The following TTLL6 variants were observed in gnomAD, a reference collection of about 807,000 sequenced individuals.
TTLL6 encodes tubulin tyrosine ligase like 6.
TTLL6 carries 75 observed loss-of-function variants against 96.4 expected under a neutral mutation model. The ratio of observed to expected loss-of-function variants is 0.78; its 90% confidence interval spans 0.65 to 0.94. The LOEUF (loss-of-function observed/expected upper bound fraction) is 0.94. Among genes scored for constraint, TTLL6 ranks in the 40% least tolerant of loss-of-function variants. The pLI is 0.00. For synonymous variants in TTLL6, 411 were observed against 419.4 expected, an observed-to-expected ratio of 0.98 and a Z score of 0.24; for missense variants, 1,030 against 1,093.0, an observed-to-expected ratio of 0.94 and a Z score of 0.81.
rs767914249 is a variant in TTLL6 at position 48,791,513 on chromosome 17, G to A, written c.1089C>T (p.Thr363=). The change falls in exon 9 of 16, where the codon ACC becomes ACT. Residue 363 remains threonine (T), a synonymous_variant. Transcript: ENST00000393382. ...TGATGATGGGGTGGGCCGAGATGAG[G>A]GTCTTGATGATGACGTCCTCAATAT... is the stretch of plus-strand genomic sequence containing the variant. ...WRDIEDVIIK[T]LISAHPIIRH... The A allele has an allele frequency of 6.2e-7, 1 of 1,613,454 alleles. No homozygotes were observed. Among genetic ancestry groups the A allele is most frequent in the Non-Finnish European group, 8.5e-7 (1 of 1,179,362 alleles).
rs960233922 is a variant in TTLL6 at position 48,784,964 on chromosome 17, C to G, written c.1999G>C (p.Ala667Pro). Residue 667 changes from alanine (A) to proline (P), a missense_variant, in exon 13 of 16, where the codon GCC becomes CCC. Physicochemically the swap from Ala to Pro is conservative, Grantham distance 27. Transcript: ENST00000393382. ...PSKPNFSIKE[A>P]KSASAVNVFT... is the part of the protein sequence containing the mutation. ...ACGTTCACTGCAGAGGCAGACTTGG[C>G]CTCCTTGATGCTGAAGTTGGGTTTA... 6.2e-7 allele frequency: 1 copy of G among 1,614,052 alleles called. No individual in the cohort carries two copies. The highest frequency in any genetic ancestry group is 8.5e-7 in the Non-Finnish European group (1 of 1,180,046).
chr17:48,811,993 G>C (rs951926532), intron 1 of TTLL6, among the ~76,000 whole-genome samples: 1 of 150,668 alleles, frequency 6.6e-6, no homozygotes, highest in Non-Finnish European at 1.5e-5. Context: ...GAGCCACCAC[G>C]CCCAGCCAGA....
At chr17:48,800,589 G>A (rs994045342) in intron 5 of TTLL6, among the ~76,000 whole-genome samples, 15 of 152,140 alleles carry the variant, frequency 9.9e-5, no homozygotes, top group Non-Finnish European at 1.9e-4. Context: ...TCTTGGTTTT[G>A]GAAAGCACTG....
chr17:48,776,158 C>G (rs1162490463), intron 13 of TTLL6, among the ~76,000 whole-genome samples: 3 of 152,120 alleles, frequency 2.0e-5, no homozygotes, highest in African/African-American at 7.2e-5. Context: ...AAAAAACTTA[C>G]TAGAATTCAT....
chr17:48,769,143 GTAACAT>G lies in TTLL6; in HGVS notation c.2516_2521del (p.Asn839_Val840del). The G allele has an allele frequency of 6.2e-7, 1 of 1,614,146 alleles. No individual in the cohort carries two copies. Among genetic ancestry groups the G allele is most frequent in the Non-Finnish European group, 8.5e-7 (1 of 1,180,032 alleles). On this transcript the variant is annotated inframe_deletion, in exon 15 of 16. Coordinates refer to ENST00000393382, the MANE Select transcript of TTLL6 (RefSeq NM_001130918.3). ...GGCAATCACCAGCAGGTCCCTCAGA[GTAACAT>G]TATAGCTCTGAGGACTCTGCAAGAG...
chr17:48,805,046 C>A, intron 1 of TTLL6, 55 bp from the exon 2 acceptor site: 1 of 1,386,896 alleles, frequency 7.2e-7, no homozygotes. Flanking sequence ...CAGGGGGACC[C>A]CCTCCCTCGC....
At chr17:48,785,904 G>C (rs1489048374) in intron 12 of TTLL6, among the ~76,000 whole-genome samples, 1 of 152,164 alleles carries the variant, frequency 6.6e-6, no homozygotes, top group Non-Finnish European at 1.5e-5. Flanking sequence ...GCATGGCCTG[G>C]CTGCTCTTAC....
intron 1 of TTLL6, 66 bp from the exon 2 acceptor site, chr17:48,805,057 T>G: frequency 7.7e-7 from 1 of 1,293,508 alleles, no homozygotes. Context: ...CCTCCCTCGC[T>G]CATGTGGGTA....
chr17:48,784,775 T>C, intron 13 of TTLL6, 148 bp downstream of exon 13: 2 of 637,176 alleles, frequency 3.1e-6, no homozygotes, highest in South Asian at 3.8e-5. Flanking sequence ...AGCTATGCCA[T>C]TCCACAGTGT....
chr17:48,791,246 G>T, intron 9 of TTLL6, 132 bp downstream of exon 9: 1 of 744,022 alleles, frequency 1.3e-6, no homozygotes. Context: ...GAAGCCCCAG[G>T]CAGCAGGCAC....
rs775724325 is a variant in TTLL6 at position 48,769,923 on chromosome 17, T to G, written c.2215A>C (p.Lys739Gln). Residue 739 changes from lysine (K) to glutamine (Q), a missense_variant, in exon 14 of 16, where the codon AAA becomes CAA. By Grantham distance (53) the Lys-to-Gln change is moderately conservative. Transcript: ENST00000393382. ...QQTPPHLTQK[K>Q]MLKSFLPTKS... ...GTGGGCAGAAAAGATTTTAACATTTTCTTCTGGGTTAAGTGTGGAGGGGTC... is the reference window on the plus strand; with the variant it reads ...GTGGGCAGAAAAGATTTTAACATTTGCTTCTGGGTTAAGTGTGGAGGGGTC... 4.3e-6 allele frequency: 7 copies of G among 1,614,174 alleles called. No individual in the cohort carries two copies. In the South Asian group the frequency reaches 7.7e-5, roughly 18 times the overall value.
intron 1 of TTLL6, among the ~76,000 whole-genome samples, chr17:48,811,706 T>TC (rs1453897722): frequency 6.7e-6 from 1 of 149,760 alleles, no homozygotes; most frequent in African/African-American, 2.5e-5. Context: ...TTTTTTTTTT[T>TC]TTTTTTTTTG....
chr17:48,778,929 CAAAA>C (rs71144525), intron 13 of TTLL6, among the ~76,000 whole-genome samples: 1 of 112,446 alleles, frequency 8.9e-6, no homozygotes, highest in African/African-American at 3.5e-5. Context: ...GACTCCATCT[CAAAA>C]AAAAAAAAAA....
intron 13 of TTLL6, among the ~76,000 whole-genome samples, chr17:48,783,911 T>C (rs1022320051): frequency 2.6e-5 from 4 of 152,192 alleles, no homozygotes; most frequent in African/African-American, 9.7e-5. Context: ...TGTCCATACA[T>C]CAACAGAGTT....
chr17:48,801,329 C>A lies in TTLL6; in HGVS notation c.537G>T (p.Arg179Ser), dbSNP rs1328308333. 1.3e-6 allele frequency: 2 copies of A among 1,551,634 alleles called. No homozygotes were observed. The change falls in exon 5 of 16, where the codon AGG becomes AGT. Residue 179 changes from arginine to serine, a missense_variant. Coordinates refer to ENST00000393382, the MANE Select transcript of TTLL6 (RefSeq NM_001130918.3). ...SEICRKDLLA[R>S]NMSRMLKMFP... Reference sequence around the variant, plus strand: ...ACATCTTTAACATGCGGCTCATGTTCCTGGCCAGCAAGTCCTTCCGGCAGA... The same window carrying A: ...ACATCTTTAACATGCGGCTCATGTTACTGGCCAGCAAGTCCTTCCGGCAGA...
chr17:48,765,049 A>G (rs1215137122), intron 15 of TTLL6, among the ~76,000 whole-genome samples: 1 of 152,228 alleles, frequency 6.6e-6, no homozygotes, highest in Non-Finnish European at 1.5e-5. Flanking sequence ...CCTTGCTGTG[A>G]CAATTAAAAC....
chr17:48,773,669 C>T (rs928241992), intron 13 of TTLL6, among the ~76,000 whole-genome samples: 3 of 151,606 alleles, frequency 2.0e-5, no homozygotes, highest in Non-Finnish European at 4.4e-5. Flanking sequence ...TTGCAGTGAG[C>T]CATGATTGTG....
rs193047124 is a variant in TTLL6, at chr17:48,781,632, A to G, written c.2040+3291T>C. Among the ~76,000 whole-genome samples, 4 of 152,104 alleles carry G rather than the reference A, an allele frequency of 2.6e-5. No homozygotes were observed. The East Asian group carries it at 7.7e-4, about 29-fold the overall frequency. The stretch of plus-strand genomic sequence containing the variant: ...AAATGTTTGTTCAAGTCCTTTGTCT[A>G]TTTTTAAATTGCATTTTTGTTGCTG... On this transcript the variant is annotated intron_variant, in intron 13 of 15. Coordinates refer to ENST00000393382, the MANE Select transcript of TTLL6 (RefSeq NM_001130918.3).
At chr17:48,789,856 C>T in intron 10 of TTLL6, 75 bp downstream of exon 10, 1 of 1,533,758 alleles carries the variant, frequency 6.5e-7, no homozygotes, top group Non-Finnish European at 8.8e-7. Context: ...TGCACCCGGC[C>T]CAGGACAGAT....
Sources: gnomAD v4.1 joint callset for allele counts (sites outside exome capture counted in the v4.1 genomes callset) on GRCh38, gnomAD v4.1.1 for gene constraint, MANE v1.5 for transcripts, NCBI Gene and HGNC (gene_info 2026-07-23, HGNC 2026-07-21) for gene names.